The following ZFP3 variants were observed in gnomAD, a reference collection of about 807,000 sequenced individuals.
The protein encoded by ZFP3 is zinc finger protein 3 homolog.
A neutral mutation model predicts 36.7 loss-of-function variants in ZFP3; 18 were observed. That is an observed-to-expected ratio of 0.49 (90% confidence interval 0.34 to 0.73). ZFP3 has a LOEUF of 0.73. ZFP3 is among the 30% of genes least tolerant of loss of function. ZFP3 has a pLI of 0.01. For missense variants in ZFP3, 495 were observed against 599.0 expected, an observed-to-expected ratio of 0.83 and a Z score of 1.81; for synonymous variants, 218 against 199.0, an observed-to-expected ratio of 1.10 and a Z score of -0.81.
chr17:5,094,597 C>T lies in ZFP3; in HGVS notation c.*1584C>T, dbSNP rs1410548388. The stretch of plus-strand genomic sequence containing the variant: ...ATGAAAGAGTTGAACTAAGTGATCT[C>T]AAAAGTTTCAACCAGCCCGATAATT... On this transcript the variant is annotated 3_prime_UTR_variant, in exon 2 of 2. Transcript: ENST00000318833. The T allele has an allele frequency of 6.0e-6, 1 of 167,084 alleles. No individual in the cohort carries two copies. The highest frequency in any genetic ancestry group is 1.5e-5 in the Non-Finnish European group (1 of 68,120). 10.4% of individuals were successfully genotyped at this position (167,084 alleles called of 1,614,324 possible).
rs2072127880 is a variant in ZFP3, at chr17:5,087,521, A to G, written c.-8-3976A>G. On this transcript the variant is annotated intron_variant, in intron 1 of 1. Coordinates refer to ENST00000318833, the MANE Select transcript of ZFP3 (RefSeq NM_153018.3). ...TCACCCCTTTATGAACGGAGTCTGA[A>G]CAGGAAACAGCTCACTCAAATTAGG... Among the ~76,000 whole-genome samples, 4 of 152,166 alleles carry G rather than the reference A, an allele frequency of 2.6e-5. No individual in the cohort carries two copies. The South Asian group carries it at 8.3e-4, about 31-fold the overall frequency.
At chr17:5,079,358 C>CA (rs1340040633) in intron 1 of ZFP3, among the ~76,000 whole-genome samples, 3 of 151,926 alleles carry the variant, frequency 2.0e-5, no homozygotes, top group Non-Finnish European at 4.4e-5. Flanking sequence ...ACCATCTGTA[C>CA]AAAAAACAAA....
At chr17:5,088,476 C>CTTTTTTTTTT (rs71149522) in intron 1 of ZFP3, among the ~76,000 whole-genome samples, 1 of 131,312 alleles carries the variant, frequency 7.6e-6, no homozygotes, top group Non-Finnish European at 1.6e-5. Flanking sequence ...CTACTGCTTT[C>CTTTTTTTTTT]TTTTTTTTTT....
rs746489026 is a variant in ZFP3, at chr17:5,092,990, C to G, written c.1486C>G (p.Gln496Glu). Residue 496 changes from glutamine (Q) to glutamate (E), a missense_variant, in exon 2 of 2, where the codon CAA (glutamine) becomes GAA (glutamate). Around this residue, in one of 3 missense-constraint regions of ZFP3, gnomAD observed 163 missense variants for 178.4 expected, o/e 0.91. Coordinates refer to ENST00000318833, the MANE Select transcript of ZFP3 (RefSeq NM_153018.3). This position sits in a 1 kb window ranked among gnomAD's most constrained non-coding sequence, Gnocchi z 5.0. ...FSRSSHLLRH[Q>E]SVHCME is the part of the protein sequence containing the mutation. ...TCGGAGCTCTCACCTCCTCCGACAT[C>G]AAAGTGTTCACTGTATGGAGTAATC... is the stretch of plus-strand genomic sequence containing the variant. 1.9e-6 allele frequency: 3 copies of G among 1,604,926 alleles called. No individual in the cohort carries two copies. The highest frequency in any genetic ancestry group is 3.4e-5 in the Admixed American group (2 of 58,374).
intron 1 of ZFP3, among the ~76,000 whole-genome samples, chr17:5,088,743 C>T (rs1052335904): frequency 2.0e-5 from 3 of 152,194 alleles, no homozygotes; most frequent in Non-Finnish European, 4.4e-5. Flanking sequence ...CCACCACGCC[C>T]GGCCAGGCCC....
Position 5,094,580 on chromosome 17 carries a change from G to A in ZFP3, c.*1567G>A, listed in dbSNP as rs1305327868. The A allele has an allele frequency of 6.0e-6, 1 of 167,088 alleles. No individual in the cohort carries two copies. The highest frequency in any genetic ancestry group is 1.5e-5 in the Non-Finnish European group (1 of 68,126). 10.4% of individuals were successfully genotyped at this position (167,088 alleles called of 1,614,324 possible). ...ATTTTCTCCTCTGTAAAATGAAAGA[G>A]TTGAACTAAGTGATCTCAAAAGTTT... On this transcript the variant is annotated 3_prime_UTR_variant, in exon 2 of 2. Coordinates refer to ENST00000318833, the MANE Select transcript of ZFP3 (RefSeq NM_153018.3).
At chr17:5,089,765 C>G (rs2072140325) in intron 1 of ZFP3, among the ~76,000 whole-genome samples, 1 of 151,894 alleles carries the variant, frequency 6.6e-6, no homozygotes, top group Admixed American at 6.6e-5. Context: ...AAGTGACCCT[C>G]CTACCTCAGC....
At chr17:5,089,085 G>A (rs773325677) in intron 1 of ZFP3, among the ~76,000 whole-genome samples, 2 of 152,192 alleles carry the variant, frequency 1.3e-5, no homozygotes, top group Non-Finnish European at 2.9e-5. Flanking sequence ...CTTGTCTGTG[G>A]TGGGGACAGC....
At chr17:5,082,125 A>G (rs1567748004) in intron 1 of ZFP3, among the ~76,000 whole-genome samples, 1 of 151,354 alleles carries the variant, frequency 6.6e-6, no homozygotes, top group Non-Finnish European at 1.5e-5. Context: ...AGGCGGGTGG[A>G]TCATGAGGTC....
At chr17:5,088,974 T>C (rs1430683345) in intron 1 of ZFP3, among the ~76,000 whole-genome samples, 1 of 152,218 alleles carries the variant, frequency 6.6e-6, no homozygotes, top group Admixed American at 6.5e-5. Flanking sequence ...TTTGCCGTAG[T>C]GCACAAATAG....
rs1256837986 is a variant in ZFP3, at chr17:5,092,503, G to T, written c.999G>T (p.Gly333=). The change falls in exon 2 of 2, where the codon GGG becomes GGT. Residue 333 remains glycine, a synonymous_variant. Coordinates refer to ENST00000318833, the MANE Select transcript of ZFP3 (RefSeq NM_153018.3). The surrounding 1 kb of genome is among the most constrained non-coding windows in gnomAD (Gnocchi z 5.0). The part of the protein sequence containing the change: ...ELIRHQRIHT[G]DKPYECNECG... ...TCCGGCATCAGAGAATTCATACAGG[G>T]GACAAACCCTATGAATGTAATGAAT... 2 of 1,613,516 alleles carry T rather than the reference G, an allele frequency of 1.2e-6. No individual in the cohort carries two copies. The highest frequency in any genetic ancestry group is 2.7e-5 in the African/African-American group (2 of 74,724).
rs187940642 is a variant in ZFP3, at chr17:5,093,460, A to G, written c.*447A>G. ...TCCCCCAGTGGATCACATAACAAAC[A>G]TTAAGGGTCTGTACCAGCCATCTTT... On this transcript the variant is annotated 3_prime_UTR_variant, in exon 2 of 2. Transcript: ENST00000318833. 2.2e-3 allele frequency: 373 copies of G among 172,454 alleles called. 1 individual carries two copies. Among genetic ancestry groups the G allele is most frequent in the Middle Eastern group, 0.016 (5 of 310 alleles). The allele number at this position is 172,454 out of a possible 1,614,324, so 10.7% of individuals were successfully genotyped here.
At chr17:5,085,463 G>A (rs2072116124) in intron 1 of ZFP3, among the ~76,000 whole-genome samples, 1 of 152,054 alleles carries the variant, frequency 6.6e-6, no homozygotes, top group South Asian at 2.1e-4. Flanking sequence ...CCGCCTCCTG[G>A]GTTCACGCCA....
At position 5,094,742 on chromosome 17, in the gene ZFP3, A is replaced by C. The variant is rs943097938; in HGVS notation, c.*1729A>C. ...TTTACTACCTGACAGGCAGAGTGCC[A>C]GTTTACATTTTAATTTTCACATCAT... On this transcript the variant is annotated 3_prime_UTR_variant, in exon 2 of 2. Transcript: ENST00000318833. 1 of 167,072 alleles carries C rather than the reference A, an allele frequency of 6.0e-6. No individual in the cohort carries two copies. The highest frequency in any genetic ancestry group is 2.4e-5 in the African/African-American group (1 of 41,442). 10.3% of individuals were successfully genotyped at this position (167,072 alleles called of 1,614,324 possible).
intron 1 of ZFP3, among the ~76,000 whole-genome samples, chr17:5,089,369 A>G (rs979753206): frequency 2.6e-5 from 4 of 152,200 alleles, no homozygotes; most frequent in Admixed American, 2.0e-4. Context: ...ATGGAAGACA[A>G]GATGGAAGAA....
At chr17:5,082,162 A>T (rs1409679035) in intron 1 of ZFP3, among the ~76,000 whole-genome samples, 1 of 151,730 alleles carries the variant, frequency 6.6e-6, no homozygotes, top group Non-Finnish European at 1.5e-5. Context: ...CCTGGCTAAC[A>T]GGGTGGAACC....
Position 5,091,821 on chromosome 17 carries a change from G to T in ZFP3, c.317G>T (p.Gly106Val). ...AGCCCAAATCTGGTTACACATCAGG[G>T]AGATACAACAGAGGGAGTTAGTGCA... ...SPSPNLVTHQ[G>V]DTTEGVSAFA... Residue 106 changes from glycine to valine, a missense_variant, in exon 2 of 2, where the codon GGA becomes GTA. Physicochemically the swap from Gly to Val is moderately radical, Grantham distance 109. Around this residue, in one of 3 missense-constraint regions of ZFP3, gnomAD observed 229 missense variants for 233.8 expected, o/e 0.98. Transcript: ENST00000318833. 1.2e-6 allele frequency: 2 copies of T among 1,614,166 alleles called. No homozygotes were observed. The highest frequency in any genetic ancestry group is 2.2e-5 in the South Asian group (2 of 91,074).
chr17:5,090,186 G>A (rs546684817), intron 1 of ZFP3, among the ~76,000 whole-genome samples: 2 of 152,150 alleles, frequency 1.3e-5, no homozygotes, highest in Non-Finnish European at 2.9e-5. Flanking sequence ...GTTTACTTGG[G>A]AAGATATGAG....
intron 1 of ZFP3, among the ~76,000 whole-genome samples, chr17:5,083,712 G>A (rs1309063171): frequency 6.6e-6 from 1 of 152,126 alleles, no homozygotes; most frequent in Non-Finnish European, 1.5e-5. Context: ...AGATTTCTCA[G>A]TGGATTCTCA....
Sources: gnomAD v4.1 joint callset for allele counts (sites outside exome capture counted in the v4.1 genomes callset) on GRCh38, gnomAD v4.1.1 for gene constraint, gnomAD v4.1.1 regional missense constraint, Gnocchi (gnomAD v3.1) non-coding constraint, MANE v1.5 for transcripts, NCBI Gene and HGNC (gene_info 2026-07-23, HGNC 2026-07-21) for gene names.